Variants in CR1L observed in about 807,000 individuals in gnomAD.
CR1L encodes the protein complement C3b/C4b receptor 1 like.
CR1L carries 59 observed loss-of-function variants against 62.3 expected under a neutral mutation model. The observed-to-expected ratio is 0.95, with a 90% CI of 0.77 to 1.18. The LOEUF (loss-of-function observed/expected upper bound fraction) is 1.18, where lower values mean the gene tolerates loss of function less well. CR1L is among the 50% of genes most tolerant of loss of function. The pLI, the probability that CR1L is intolerant of heterozygous loss-of-function variation, is 0.00. For synonymous variants in CR1L, 279 were observed against 248.7 expected, an observed-to-expected ratio of 1.12 and a Z score of -1.15; for missense variants, 700 against 702.8, an observed-to-expected ratio of 1.00 and a Z score of 0.04.
chr1:207,665,286 C>T (rs969222038), intron 1 of CR1L, among the ~76,000 whole-genome samples: 7 of 152,040 alleles, frequency 4.6e-5, no homozygotes, highest in Non-Finnish European at 8.8e-5. Flanking sequence ...GATCTCCTGA[C>T]CTTGTGATCC....
chr1:207,673,606 C>T (rs191381546), intron 1 of CR1L, among the ~76,000 whole-genome samples: 27 of 152,142 alleles, frequency 1.8e-4, no homozygotes, highest in Admixed American at 5.9e-4. Context: ...AGAAAAAACC[C>T]GAAATGAGAT....
chr1:207,703,208 T>C (rs1030090672), intron 9 of CR1L, among the ~76,000 whole-genome samples: 1 of 152,224 alleles, frequency 6.6e-6, no homozygotes, highest in Non-Finnish European at 1.5e-5. Flanking sequence ...ATTCTCCATG[T>C]AGACAAAACA....
intron 4 of CR1L, among the ~76,000 whole-genome samples, chr1:207,687,649 CTT>C (rs1663933118): frequency 6.6e-6 from 1 of 152,134 alleles, no homozygotes; most frequent in Admixed American, 6.6e-5. Flanking sequence ...TTGGAAGTCA[CTT>C]TTGTTGCTGC....
chr1:207,649,954 A>G (rs1663196913), intron 1 of CR1L, among the ~76,000 whole-genome samples: 1 of 152,218 alleles, frequency 6.6e-6, no homozygotes, highest in Non-Finnish European at 1.5e-5. Context: ...AGTAAAGGAT[A>G]CAACTACATA....
rs768560865 is a variant in CR1L at position 207,694,564 on chromosome 1, T to C, written c.675T>C (p.Ile225=). The change falls in exon 5 of 12, where the codon ATT becomes ATC. Residue 225 remains isoleucine (I), a synonymous_variant. Transcript: ENST00000508064. ...GGAGTGGCCCAGCCCCTCAGTGCAT[T>C]ATACCTAACAAATGCACGCCTCCAA... ...GIWSGPAPQC[I]IPNKCTPPNV... The C allele has an allele frequency of 6.2e-7, 1 of 1,612,414 alleles. No individual in the cohort carries two copies. Among genetic ancestry groups the C allele is most frequent in the Non-Finnish European group, 8.5e-7 (1 of 1,179,766 alleles).
At chr1:207,677,264 C>T (rs1312983860) in intron 1 of CR1L, 125 bp from the exon 2 acceptor site, 12 of 940,752 alleles carry the variant, frequency 1.3e-5, no homozygotes, top group African/African-American at 3.9e-5. Context: ...CAGAGGATCG[C>T]ACCACTGCAC....
At chr1:207,656,605 G>T (rs1011567804) in intron 1 of CR1L, among the ~76,000 whole-genome samples, 41 of 152,170 alleles carry the variant, frequency 2.7e-4, no homozygotes, top group African/African-American at 8.7e-4. Context: ...GGGGTTTGGG[G>T]AGGCCTCAGG....
chr1:207,665,842 G>A (rs1294354553), intron 1 of CR1L, among the ~76,000 whole-genome samples: 4 of 152,340 alleles, frequency 2.6e-5, no homozygotes, highest in Non-Finnish European at 4.4e-5. Context: ...TTCTCACCTA[G>A]TGGAGGAGGA....
intron 9 of CR1L, among the ~76,000 whole-genome samples, chr1:207,703,834 G>A (rs553295671): frequency 2.5e-4 from 38 of 152,204 alleles, no homozygotes; most frequent in Non-Finnish European, 4.3e-4. Flanking sequence ...TGTGCCTGTA[G>A]TCCCAACTAC....
At chr1:207,702,245 T>C (rs1434047237) in intron 9 of CR1L, among the ~76,000 whole-genome samples, 2 of 152,184 alleles carry the variant, frequency 1.3e-5, no homozygotes, top group Non-Finnish European at 2.9e-5. Flanking sequence ...ACTATTTTCA[T>C]TGTTTGGAGT....
chr1:207,670,995 T>A (rs1410216884), intron 1 of CR1L, among the ~76,000 whole-genome samples: 1 of 150,984 alleles, frequency 6.6e-6, no homozygotes, highest in African/African-American at 2.5e-5. Flanking sequence ...GCTCCCAAGG[T>A]GTATGCATAT....
At chr1:207,702,869 G>A (rs565450826) in intron 9 of CR1L, among the ~76,000 whole-genome samples, 1 of 152,300 alleles carries the variant, frequency 6.6e-6, no homozygotes, top group Non-Finnish European at 1.5e-5. Context: ...GATCACCTGA[G>A]GTCAGGTGTT....
intron 3 of CR1L, among the ~76,000 whole-genome samples, chr1:207,680,361 A>G (rs1226950343): frequency 6.6e-6 from 1 of 152,246 alleles, no homozygotes; most frequent in Non-Finnish European, 1.5e-5. Context: ...AGTCGAGTAC[A>G]GGTAAAACAG....
intron 11 of CR1L, among the ~76,000 whole-genome samples, chr1:207,719,028 T>A (rs1398278618): frequency 6.9e-6 from 1 of 144,430 alleles, no homozygotes; most frequent in Non-Finnish European, 1.5e-5. Context: ...AAACACCGCA[T>A]ATTCTCACTC....
At chr1:207,723,483 A>T in intron 11 of CR1L, 135 bp from the exon 12 acceptor site, 1 of 750,910 alleles carries the variant, frequency 1.3e-6, no homozygotes, top group Non-Finnish European at 2.1e-6. Context: ...TATGAGTGAA[A>T]TCAATGGCTT....
chr1:207,681,688 T>C lies in CR1L; in HGVS notation c.378-2184T>C, dbSNP rs146509143. Reference sequence around the variant, plus strand: ...AAGTTTGAACTTGCTTCACCATTCCTATCCCAACCCCCATGATTAGAAAAT... The same window carrying C: ...AAGTTTGAACTTGCTTCACCATTCCCATCCCAACCCCCATGATTAGAAAAT... On this transcript the variant is annotated intron_variant, in intron 3 of 11. Coordinates refer to ENST00000508064, the MANE Select transcript of CR1L (RefSeq NM_175710.2). Among the ~76,000 whole-genome samples the C allele has an allele frequency of 4.5e-3, 684 of 152,306 alleles. 6 individuals carry two copies. Among genetic ancestry groups the C allele is most frequent in the African/African-American group, 0.016 (663 of 41,566 alleles).
intron 11 of CR1L, among the ~76,000 whole-genome samples, chr1:207,718,998 T>C (rs1654071453): frequency 1.4e-5 from 2 of 147,984 alleles, no homozygotes; most frequent in Non-Finnish European, 3.0e-5. Context: ...CTCAGTAAAC[T>C]ATCACAAGAA....
At chr1:207,719,288 GA>G (rs1654078327) in intron 11 of CR1L, among the ~76,000 whole-genome samples, 7 of 138,308 alleles carry the variant, frequency 5.1e-5, no homozygotes, top group African/African-American at 1.9e-4. Context: ...AAAAAAAAAA[GA>G]AAAATAAATA....
At chr1:207,679,153 ATT>A (rs34703217) in intron 3 of CR1L, among the ~76,000 whole-genome samples, 2,081 of 90,222 alleles carry the variant, frequency 0.023, 35 homozygotes, top group African/African-American at 0.089. Flanking sequence ...GCCCACCACC[ATT>A]TTTTTTTTTT....
Sources: gnomAD v4.1 joint callset for allele counts (sites outside exome capture counted in the v4.1 genomes callset) on GRCh38, gnomAD v4.1.1 for gene constraint, MANE v1.5 for transcripts, NCBI Gene and HGNC (gene_info 2026-07-23, HGNC 2026-07-21) for gene names.